Variants in PALM2AKAP2 observed in about 807,000 individuals in gnomAD.
PALM2AKAP2 encodes PALM2 and AKAP2 fusion.
Under a neutral mutation model 71.5 loss-of-function variants are expected in PALM2AKAP2, and 37 were observed. The ratio of observed to expected loss-of-function variants is 0.52; its 90% CI spans 0.40 to 0.68. PALM2AKAP2 has a LOEUF of 0.68. PALM2AKAP2 is among the 30% of genes least tolerant of loss of function. PALM2AKAP2 has a pLI of 0.00. For synonymous variants in PALM2AKAP2, 468 were observed against 478.8 expected (o/e 0.98, Z 0.29); for missense variants, 1,224 against 1,191.8 (o/e 1.03, Z -0.40).
At chr9:109,870,892 T>G (rs918689684) in intron 2 of PALM2AKAP2, among the ~76,000 whole-genome samples, 9 of 152,224 alleles carry the variant, frequency 5.9e-5, no homozygotes, top group Non-Finnish European at 1.0e-4. Flanking sequence ...AATCAATATT[T>G]GTTTCACTAA....
chr9:110,048,511 C>A, upstream of PALM2AKAP2: 1 of 571,740 alleles, frequency 1.7e-6, no homozygotes, highest in Non-Finnish European at 3.0e-6. Flanking sequence ...TTCGTTTGTG[C>A]ATCGATTCCG....
At chr9:109,698,558 C>T (rs533945256) in intron 1 of PALM2AKAP2, among the ~76,000 whole-genome samples, 4 of 152,262 alleles carry the variant, frequency 2.6e-5, no homozygotes, top group South Asian at 4.1e-4. Flanking sequence ...GGATTATAGG[C>T]GTGAGCCACC....
chr9:110,107,586 A>C (rs538406617), intron 1 of PALM2AKAP2, among the ~76,000 whole-genome samples: 128 of 152,264 alleles, frequency 8.4e-4, no homozygotes, highest in African/African-American at 3.0e-3. Context: ...TAGAGTGGGG[A>C]GACAGTGTCT....
chr9:109,713,938 T>A (rs1828279109), intron 1 of PALM2AKAP2, among the ~76,000 whole-genome samples: 1 of 152,248 alleles, frequency 6.6e-6, no homozygotes, highest in Non-Finnish European at 1.5e-5. Flanking sequence ...GTAGCACATG[T>A]ATCATACTAA....
At chr9:109,760,677 C>T (rs1220945477) in intron 1 of PALM2AKAP2, 1 of 152,190 alleles carries the variant, frequency 6.6e-6, no homozygotes, top group Non-Finnish European at 1.5e-5. Flanking sequence ...GAGCTTCTCG[C>T]TTTCACTCAC....
exon 2 of PALM2AKAP2, chr9:110,136,280 G>A (rs1265696419): frequency 2.5e-6 from 4 of 1,613,970 alleles, no homozygotes; most frequent in Non-Finnish European, 3.4e-6. Flanking sequence ...AAGTGTTCCT[G>A]GAATCACCTC....
chr9:110,045,889 C>T (rs1833588276), upstream of PALM2AKAP2, among the ~76,000 whole-genome samples: 1 of 152,176 alleles, frequency 6.6e-6, no homozygotes, highest in African/African-American at 2.4e-5. Flanking sequence ...TTTTAACAAG[C>T]ACTATCTGTG....
chr9:109,891,585 T>C (rs1830091339), intron 3 of PALM2AKAP2, among the ~76,000 whole-genome samples: 1 of 152,092 alleles, frequency 6.6e-6, no homozygotes, highest in Non-Finnish European at 1.5e-5. Flanking sequence ...ATCTCCTGGA[T>C]TCAAGCGATT....
chr9:109,767,793 A>C (rs1829178581), intron 1 of PALM2AKAP2, among the ~76,000 whole-genome samples: 1 of 152,030 alleles, frequency 6.6e-6, no homozygotes. Context: ...TACAGTGTGC[A>C]CTTCTCTACT....
Position 110,135,152 on chromosome 9 carries a change from C to CAAAAAAA in PALM2AKAP2, c.157-968_157-962dup, listed in dbSNP as rs1198538795. On this transcript the variant is annotated intron_variant, in intron 1 of 3. Coordinates refer to ENST00000374525, the Ensembl canonical transcript of PALM2AKAP2. ...GAGACATGGAGGAACTCTGTCTCTA[C>CAAAAAAA]AAAAAAAAAAAAATATATAAATATA... Among the ~76,000 whole-genome samples the CAAAAAAA allele has an allele frequency of 5.4e-3, 145 of 26,890 alleles. 1 individual carries two copies. Among genetic ancestry groups the CAAAAAAA allele is most frequent in the Middle Eastern group, 0.02 (1 of 50 alleles). 17.6% of individuals were successfully genotyped at this position (26,890 alleles called of 152,430 possible).
At chr9:109,748,957 A>T (rs1179043813) in intron 1 of PALM2AKAP2, among the ~76,000 whole-genome samples, 1 of 152,180 alleles carries the variant, frequency 6.6e-6, no homozygotes, top group Non-Finnish European at 1.5e-5. Context: ...GCCCACTCTG[A>T]TGATCTCATT....
intron 6 of PALM2AKAP2, among the ~76,000 whole-genome samples, chr9:110,013,785 G>T (rs777603487): frequency 6.6e-6 from 1 of 152,056 alleles, no homozygotes; most frequent in Non-Finnish European, 1.5e-5. Context: ...CATTAATTTC[G>T]TATTAATTTA....
At chr9:109,680,254 G>A (rs1827708954) in intron 1 of PALM2AKAP2, among the ~76,000 whole-genome samples, 1 of 152,104 alleles carries the variant, frequency 6.6e-6, no homozygotes, top group African/African-American at 2.4e-5. Flanking sequence ...AACGAAGCCC[G>A]GGCACACAGG....
intron 1 of PALM2AKAP2, among the ~76,000 whole-genome samples, chr9:109,692,258 C>T (rs527633884): frequency 1.6e-4 from 24 of 151,760 alleles, no homozygotes; most frequent in Admixed American, 4.6e-4. Flanking sequence ...ATAGTTGGTA[C>T]TACCTAGATA....
intron 1 of PALM2AKAP2, among the ~76,000 whole-genome samples, chr9:110,083,803 T>A (rs1288753771): frequency 6.6e-6 from 1 of 152,240 alleles, no homozygotes; most frequent in East Asian, 1.9e-4. Context: ...AGCATGATTT[T>A]AAAACTAGAA....
chr9:109,670,155 A>G (rs999086510), intron 1 of PALM2AKAP2, among the ~76,000 whole-genome samples: 1 of 151,976 alleles, frequency 6.6e-6, no homozygotes, highest in African/African-American at 2.4e-5. Flanking sequence ...TACATATGCC[A>G]GTTTGTTACA....
intron 1 of PALM2AKAP2, among the ~76,000 whole-genome samples, chr9:109,709,735 G>A (rs1828203259): frequency 6.6e-6 from 1 of 152,166 alleles, no homozygotes; most frequent in Non-Finnish European, 1.5e-5. Flanking sequence ...ATGCACCAAG[G>A]AGACCAGGGC....
exon 4 of PALM2AKAP2, chr9:110,168,555 T>G: frequency 6.3e-7 from 1 of 1,584,456 alleles, no homozygotes; most frequent in East Asian, 2.3e-5. Flanking sequence ...ACCAAGAAAT[T>G]AACAACTGAA....
intron 1 of PALM2AKAP2, among the ~76,000 whole-genome samples, chr9:109,736,609 A>C (rs750501508): frequency 7.9e-5 from 12 of 151,772 alleles, no homozygotes; most frequent in Non-Finnish European, 1.3e-4. Flanking sequence ...TTTATTTTTA[A>C]GTTTTTATGT....
Sources: gnomAD v4.1 joint callset for allele counts (sites outside exome capture counted in the v4.1 genomes callset) on GRCh38, gnomAD v4.1.1 for gene constraint, MANE v1.5 for transcripts, NCBI Gene and HGNC (gene_info 2026-07-23, HGNC 2026-07-21) for gene names.